The following RALGAPA1 variants were observed in gnomAD, a reference collection of about 807,000 sequenced individuals.
RALGAPA1 encodes ral GTPase-activating protein subunit alpha-1.
In RALGAPA1, 52 loss-of-function variants were observed where a neutral mutation model predicts 269.6. That is an observed-to-expected ratio of 0.19 (90% CI 0.15 to 0.24). The LOEUF (loss-of-function observed/expected upper bound fraction) is 0.24, where lower values mean the gene tolerates loss of function less well. Among genes scored for constraint, RALGAPA1 ranks in the 10% least tolerant of loss-of-function variants. The probability of loss-of-function intolerance (pLI) is 1.00; values close to 1 mark genes in which losing one functional copy is unlikely to be tolerated. For missense variants in RALGAPA1, 1,917 were observed against 3,013.9 expected (o/e 0.64, Z 8.52); for synonymous variants, 817 against 1,008.3 (o/e 0.81, Z 3.60).
chr14:35,634,525 C>T (rs751180015), intron 33 of RALGAPA1, 49 bp downstream of exon 33: 3 of 1,491,586 alleles, frequency 2.0e-6, no homozygotes, highest in South Asian at 1.4e-5. Flanking sequence ...CAAGTTATAC[C>T]TTGAGAGAAC....
chr14:35,643,175 C>A (rs1384372343), intron 31 of RALGAPA1, among the ~76,000 whole-genome samples: 2 of 151,532 alleles, frequency 1.3e-5, no homozygotes, highest in African/African-American at 4.9e-5. Context: ...CACACCAGGG[C>A]CTTTCGAGGG....
rs114873401 is a variant in RALGAPA1, at chr14:35,778,302, T to C, written c.107-2557A>G. 2.1e-3 allele frequency among the ~76,000 whole-genome samples: 325 copies of C among 152,304 alleles called. 4 individuals carry two copies. The highest frequency in any genetic ancestry group is 7.5e-3 in the African/African-American group (312 of 41,568). ...CTGGGCTGAAGCAATCCTCCTACCT[T>C]GGTCTCAAAGTGTTGAGATTACAGG... On this transcript the variant is annotated intron_variant, in intron 1 of 41. Coordinates refer to ENST00000680220, the MANE Select transcript of RALGAPA1 (RefSeq NM_001346249.2).
At chr14:35,540,881 AG>A (rs1286648993) in intron 41 of RALGAPA1, among the ~76,000 whole-genome samples, 2 of 152,142 alleles carry the variant, frequency 1.3e-5, no homozygotes, top group African/African-American at 4.8e-5. Flanking sequence ...ACTTCAAACT[AG>A]GAAATAATTA....
chr14:35,808,653 AG>A lies in RALGAPA1; in HGVS notation c.106+76del, dbSNP rs2077546918. 3.3e-5 allele frequency: 49 copies of A among 1,486,504 alleles called. No homozygotes were observed. The South Asian group carries it at 5.8e-4, about 17-fold the overall frequency. The allele number at this position is 1,486,504 out of a possible 1,614,324, so 92.1% of individuals were successfully genotyped here. A position where few individuals can be genotyped will look rare whatever the true frequency, so the allele number is the denominator to read the frequency against. On this transcript the variant is annotated intron_variant, in intron 1 of 41. Transcript: ENST00000680220. ...CTCCTGCACCGCGCCAGGTCCCGAG[AG>A]AGAGTCCGCAGGGGCTCCCAGGAGA...
chr14:35,755,306 C>T (rs2073075759), intron 7 of RALGAPA1, among the ~76,000 whole-genome samples: 2 of 152,040 alleles, frequency 1.3e-5, no homozygotes, highest in African/African-American at 4.8e-5. Flanking sequence ...TAAGCCATAA[C>T]TGGGCCACTG....
chr14:35,731,801 G>C (rs1353871300), intron 12 of RALGAPA1, among the ~76,000 whole-genome samples: 1 of 152,162 alleles, frequency 6.6e-6, no homozygotes, highest in Admixed American at 6.5e-5. Context: ...CTAAAAGTTG[G>C]AAAACATATT....
At chr14:35,782,642 TTGAACTCCTAACCTAAGG>T (rs2075521721) in intron 1 of RALGAPA1, among the ~76,000 whole-genome samples, 1 of 151,996 alleles carries the variant, frequency 6.6e-6, no homozygotes, top group African/African-American at 2.4e-5. Flanking sequence ...CAGGCTGGTC[TTGAACTCCTAACCTAAGG>T]TGATCCACCC....
chr14:35,653,030 C>G (rs573995009), intron 30 of RALGAPA1, among the ~76,000 whole-genome samples: 1 of 152,066 alleles, frequency 6.6e-6, no homozygotes, highest in African/African-American at 2.4e-5. Flanking sequence ...CTCACTAGTG[C>G]GATACTTACT....
At chr14:35,598,730 T>C (rs1324610476) in intron 36 of RALGAPA1, among the ~76,000 whole-genome samples, 2 of 152,256 alleles carry the variant, frequency 1.3e-5, no homozygotes, top group African/African-American at 4.8e-5. Flanking sequence ...TATATTCTTA[T>C]ATTTCAAGTG....
intron 9 of RALGAPA1, among the ~76,000 whole-genome samples, 179 bp from the exon 10 acceptor site, chr14:35,749,003 A>G (rs1279379513): frequency 6.6e-6 from 1 of 152,176 alleles, no homozygotes; most frequent in Non-Finnish European, 1.5e-5. Context: ...ATTAAGTGGC[A>G]ATGCAAGTAA....
intron 35 of RALGAPA1, among the ~76,000 whole-genome samples, chr14:35,609,716 A>G (rs1375187829): frequency 6.6e-6 from 1 of 152,070 alleles, no homozygotes; most frequent in African/African-American, 2.4e-5. Context: ...TGAGCCCAGG[A>G]GTTCGAGACC....
intron 16 of RALGAPA1, among the ~76,000 whole-genome samples, chr14:35,705,340 C>A (rs1240025470): frequency 6.6e-6 from 1 of 152,044 alleles, no homozygotes; most frequent in East Asian, 1.9e-4. Context: ...CTAGCCCCAC[C>A]CCCCTATTCC....
chr14:35,631,082 T>C (rs1669003906), intron 33 of RALGAPA1, among the ~76,000 whole-genome samples: 2 of 152,148 alleles, frequency 1.3e-5, no homozygotes, highest in Non-Finnish European at 2.9e-5. Context: ...AGCTTGAATC[T>C]AGTGTTTGCT....
In RALGAPA1 at chr14:35,548,558, G is replaced by T; in HGVS notation, c.7622-20C>A. On this transcript the variant is annotated intron_variant, in intron 40 of 41. Transcript: ENST00000680220. ...AATGATCTAAAGAGGGAAAATAAAT[G>T]AAACAATCATAAGGAGAGCAAGATA... is the stretch of plus-strand genomic sequence containing the variant. The T allele has an allele frequency of 1.3e-6, 2 of 1,531,064 alleles. No individual in the cohort carries two copies. Among genetic ancestry groups the T allele is most frequent in the Non-Finnish European group, 8.9e-7 (1 of 1,117,700 alleles). 94.8% of individuals were successfully genotyped at this position (1,531,064 alleles called of 1,614,324 possible). A position where few individuals can be genotyped will look rare whatever the true frequency, so the allele number is the denominator to read the frequency against.
intron 1 of RALGAPA1, among the ~76,000 whole-genome samples, chr14:35,790,692 A>C (rs1395250555): frequency 6.6e-6 from 1 of 151,724 alleles, no homozygotes; most frequent in Non-Finnish European, 1.5e-5. Flanking sequence ...TCTAAAAAAA[A>C]AAAAAAAAAA....
intron 31 of RALGAPA1, among the ~76,000 whole-genome samples, chr14:35,650,988 T>C (rs965113620): frequency 3.3e-5 from 5 of 150,062 alleles, no homozygotes; most frequent in African/African-American, 1.3e-4. Flanking sequence ...TAGTGTCAAC[T>C]GAAAGCAATA....
At chr14:35,661,906 G>A (rs186296183) in intron 27 of RALGAPA1, among the ~76,000 whole-genome samples, 2 of 152,172 alleles carry the variant, frequency 1.3e-5, no homozygotes, top group East Asian at 3.9e-4. Flanking sequence ...TAAAATACAG[G>A]ATCATGTAAT....
intron 31 of RALGAPA1, among the ~76,000 whole-genome samples, chr14:35,642,458 G>A (rs1002978098): frequency 2.0e-5 from 3 of 151,934 alleles, no homozygotes; most frequent in Non-Finnish European, 4.4e-5. Flanking sequence ...CTCAAAAGAA[G>A]ACATAAAAAA....
chr14:35,750,940 C>T (rs1233850779), intron 8 of RALGAPA1, among the ~76,000 whole-genome samples: 1 of 152,086 alleles, frequency 6.6e-6, no homozygotes, highest in African/African-American at 2.4e-5. Flanking sequence ...GTGAACCTAC[C>T]TAAGTACAAA....
Sources: gnomAD v4.1 joint callset for allele counts (sites outside exome capture counted in the v4.1 genomes callset) on GRCh38, gnomAD v4.1.1 for gene constraint, MANE v1.5 for transcripts, NCBI Gene and HGNC (gene_info 2026-07-23, HGNC 2026-07-21) for gene names.